THOC1: variants seen among roughly 807,000 people sequenced by gnomAD.
The protein encoded by THOC1 is THO complex 1.
THOC1 carries 29 observed loss-of-function variants against 97.3 expected under a neutral mutation model. The observed-to-expected ratio is 0.30, with a 90% confidence interval of 0.22 to 0.41. The LOEUF is 0.41. THOC1 is among the 10% of genes least tolerant of loss of function. THOC1 has a pLI of 1.00. For synonymous variants in THOC1, 255 were observed against 257.0 expected (o/e 0.99, Z 0.07); for missense variants, 529 against 761.9 (o/e 0.69, Z 3.60).
chr18:240,212 C>T (rs755860350), intron 11 of THOC1, among the ~76,000 whole-genome samples: 1 of 152,186 alleles, frequency 6.6e-6, no homozygotes, highest in Non-Finnish European at 1.5e-5. Context: ...GCCTTTCAGA[C>T]TTTGCCTCTC....
At chr18:236,415 G>C (rs1336564618) in intron 11 of THOC1, among the ~76,000 whole-genome samples, 1 of 146,970 alleles carries the variant, frequency 6.8e-6, no homozygotes, top group Non-Finnish European at 1.5e-5. Flanking sequence ...GAGTGCAGTG[G>C]CGCGATCTCG....
chr18:231,930 C>G (rs1379106495), intron 11 of THOC1, among the ~76,000 whole-genome samples: 3 of 152,170 alleles, frequency 2.0e-5, no homozygotes, highest in Non-Finnish European at 2.9e-5. Flanking sequence ...ACATGTTGCT[C>G]TAGTTCAGGG....
rs772400295 is a variant in THOC1 at position 218,962 on chromosome 18, T to C, written c.1378A>G (p.Met460Val). 6.2e-7 allele frequency: 1 copy of C among 1,600,920 alleles called. No individual in the cohort carries two copies. ...EACKSETREH[M>V]PTLEEFFEEA... ...TCAAAGAATTCCTCCAAAGTGGGCA[T>C]GTGTTCCCTGAGCGGTACAAAAATA... Residue 460 changes from methionine (M) to valine (V), a missense_variant, in exon 18 of 21, where the codon ATG becomes GTG. By Grantham distance (21) the Met-to-Val change is conservative (BLOSUM62 1). Coordinates refer to ENST00000261600, the MANE Select transcript of THOC1 (RefSeq NM_005131.3).
At chr18:228,813 T>C (rs1450793884) in intron 11 of THOC1, among the ~76,000 whole-genome samples, 1 of 152,232 alleles carries the variant, frequency 6.6e-6, no homozygotes, top group East Asian at 1.9e-4. Context: ...TACACAGCTA[T>C]GCAGAAGGCA....
In THOC1 at chr18:247,841, C is replaced by T. The variant is rs1265326296; in HGVS notation, c.786+8G>A. 6 of 1,568,590 alleles carry T rather than the reference C, an allele frequency of 3.8e-6. No individual in the cohort carries two copies. Among genetic ancestry groups the T allele is most frequent in the Non-Finnish European group, 5.3e-6 (6 of 1,142,688 alleles). On this transcript the variant is annotated splice_region_variant and intron_variant, in intron 10 of 20. Coordinates refer to ENST00000261600, the MANE Select transcript of THOC1 (RefSeq NM_005131.3). ...TGGGCTTCTGATAGTCTGTCAATGG[C>T]AACTTACCTTGAGAAAAGTTTTCCA...
chr18:248,803 G>T (rs368399378), intron 9 of THOC1, among the ~76,000 whole-genome samples: 27 of 151,650 alleles, frequency 1.8e-4, no homozygotes, highest in Admixed American at 8.5e-4. Context: ...CAGACTGGAG[G>T]GCAGTGGTGC....
Position 254,403 on chromosome 18 carries a change from A to G in THOC1, c.521-48T>C. 8.8e-7 allele frequency: 1 copy of G among 1,136,772 alleles called. No individual in the cohort carries two copies. 70.4% of individuals were successfully genotyped at this position (1,136,772 alleles called of 1,614,324 possible). On this transcript the variant is annotated intron_variant, in intron 7 of 20. Coordinates refer to ENST00000261600, the MANE Select transcript of THOC1 (RefSeq NM_005131.3). This position sits in a 1 kb window ranked among gnomAD's most constrained non-coding sequence, Gnocchi z 4.1. ...ATGCAAAGCAAGTCCAGTGACACCTAAACTTATGTATAACTTGTGTCATAA... is the reference window on the plus strand; with the variant it reads ...ATGCAAAGCAAGTCCAGTGACACCTGAACTTATGTATAACTTGTGTCATAA...
At chr18:234,916 G>C (rs1300345681) in intron 11 of THOC1, among the ~76,000 whole-genome samples, 1 of 151,938 alleles carries the variant, frequency 6.6e-6, no homozygotes, top group Non-Finnish European at 1.5e-5. Context: ...ATAATGAACT[G>C]GGGGGCTTCT....
At chr18:231,598 T>C (rs577840082) in intron 11 of THOC1, among the ~76,000 whole-genome samples, 1 of 152,342 alleles carries the variant, frequency 6.6e-6, no homozygotes, top group South Asian at 2.1e-4. Context: ...AACATTCATG[T>C]ACCCACTACC....
chr18:250,166 C>A (rs1912234937), intron 9 of THOC1, among the ~76,000 whole-genome samples: 1 of 152,152 alleles, frequency 6.6e-6, no homozygotes, highest in African/African-American at 2.4e-5. Flanking sequence ...GTGTTAATAT[C>A]TTACTGTTAG....
intron 15 of THOC1, 136 bp downstream of exon 15, chr18:224,788 T>G: frequency 2.8e-6 from 2 of 725,254 alleles, no homozygotes; most frequent in South Asian, 3.9e-5. Context: ...TCTTACAAAG[T>G]TCAACTTACA....
At chr18:215,755 G>C (rs1910859724) in intron 19 of THOC1, 1 of 430,016 alleles carries the variant, frequency 2.3e-6, no homozygotes, top group African/African-American at 2.0e-5. Context: ...CAGGAAGTCA[G>C]TAAAAAGCAC....
chr18:252,028 T>C (rs943794232), intron 9 of THOC1, among the ~76,000 whole-genome samples: 2 of 152,224 alleles, frequency 1.3e-5, no homozygotes, highest in East Asian at 3.9e-4. Flanking sequence ...TATGGGAAAA[T>C]TGATTTCATC....
chr18:262,140 G>A (rs1912625058), intron 4 of THOC1, among the ~76,000 whole-genome samples: 1 of 152,192 alleles, frequency 6.6e-6, no homozygotes, highest in African/African-American at 2.4e-5. Context: ...TAAGCATAGA[G>A]TGAATGTCAG....
At chr18:265,120 A>G in intron 3 of THOC1, 183 bp downstream of exon 3, 1 of 574,400 alleles carries the variant, frequency 1.7e-6, no homozygotes, top group Non-Finnish European at 3.0e-6. Flanking sequence ...AAACCCTTAA[A>G]ATGTACCTGT....
rs936266954 is a variant in THOC1, at chr18:240,387, A to G, written c.918+5937T>C. ...CTCACACACAGAGGTTATTCTAAAAATAACAATGGCAGAGTATGCTCTAAG... is the reference window on the plus strand; with the variant it reads ...CTCACACACAGAGGTTATTCTAAAAGTAACAATGGCAGAGTATGCTCTAAG... On this transcript the variant is annotated intron_variant, in intron 11 of 20. Transcript: ENST00000261600. Among the ~76,000 whole-genome samples the G allele has an allele frequency of 7.4e-4, 113 of 152,358 alleles. 1 individual carries two copies. The highest frequency in any genetic ancestry group is 2.5e-3 in the African/African-American group (104 of 41,586).
Position 265,507 on chromosome 18 carries a change from G to C in THOC1, c.78C>G (p.Asn26Lys), listed in dbSNP as rs764286658. The change falls in exon 2 of 21, where the codon AAC becomes AAG. Residue 26 changes from asparagine (N) to lysine (K), a missense_variant. Coordinates refer to ENST00000261600, the MANE Select transcript of THOC1 (RefSeq NM_005131.3). ...TTAACAATGGCTTGATGTTTTTGTT[G>C]TTCAAGGCCTCTCTGGTAGACTTCT... ...RFTKSTREAL[N>K]NKNIKPLLST... is the part of the protein sequence containing the mutation. The C allele has an allele frequency of 6.3e-7, 1 of 1,592,770 alleles. No homozygotes were observed. Among genetic ancestry groups the C allele is most frequent in the Non-Finnish European group, 8.6e-7 (1 of 1,169,570 alleles).
rs1241499477 is a variant in THOC1, at chr18:244,716, T to C, written c.918+1608A>G. 4.6e-5 allele frequency: 7 copies of C among 152,220 alleles called. No homozygotes were observed. In the East Asian group the frequency reaches 1.3e-3, roughly 29 times the overall value. 9.4% of individuals were successfully genotyped at this position (152,220 alleles called of 1,614,324 possible). A position where few individuals can be genotyped will look rare whatever the true frequency, so the allele number is the denominator to read the frequency against. On this transcript the variant is annotated intron_variant, in intron 11 of 20. Transcript: ENST00000261600. ...CTGCTTGGCAGTTGTGACACACTTT[T>C]AAGCTGAGGATTTGAGATTTCCTTC...
intron 11 of THOC1, among the ~76,000 whole-genome samples, chr18:231,482 C>T (rs904366151): frequency 4.6e-5 from 7 of 152,112 alleles, no homozygotes; most frequent in African/African-American, 1.7e-4. Flanking sequence ...AGAACATTCT[C>T]ATTAAAATCT....
Sources: gnomAD v4.1 joint callset for allele counts (sites outside exome capture counted in the v4.1 genomes callset) on GRCh38, gnomAD v4.1.1 for gene constraint, Gnocchi (gnomAD v3.1) non-coding constraint, MANE v1.5 for transcripts, NCBI Gene and HGNC (gene_info 2026-07-23, HGNC 2026-07-21) for gene names.